CAB39L: variants seen among roughly 807,000 people sequenced by gnomAD.
CAB39L encodes calcium binding protein 39 like.
In CAB39L, 23 loss-of-function variants were observed where a neutral mutation model predicts 39.1. That is an observed-to-expected ratio of 0.59 (90% CI 0.42 to 0.83). The LOEUF (loss-of-function observed/expected upper bound fraction) is 0.83, where lower values mean the gene tolerates loss of function less well. CAB39L is among the 40% of genes least tolerant of loss of function. The pLI, the probability that CAB39L is intolerant of heterozygous loss-of-function variation, is 0.00. For synonymous variants in CAB39L, 126 were observed against 137.2 expected, an observed-to-expected ratio of 0.92 and a Z score of 0.57; for missense variants, 366 against 391.9, an observed-to-expected ratio of 0.93 and a Z score of 0.56.
intron 3 of CAB39L, among the ~76,000 whole-genome samples, chr13:49,429,840 C>T (rs1200341903): frequency 6.6e-6 from 1 of 152,110 alleles, no homozygotes; most frequent in Non-Finnish European, 1.5e-5. Flanking sequence ...CTTATGAGAA[C>T]TATAAATTCA....
intron 5 of CAB39L, among the ~76,000 whole-genome samples, chr13:49,373,252 C>A (rs1232024526): frequency 6.6e-6 from 1 of 152,214 alleles, no homozygotes; most frequent in Non-Finnish European, 1.5e-5. Context: ...TTACTTTTCT[C>A]TGCCAAGGAA....
At chr13:49,385,566 C>G (rs1289587663) in intron 3 of CAB39L, among the ~76,000 whole-genome samples, 3 of 152,198 alleles carry the variant, frequency 2.0e-5, no homozygotes, top group Admixed American at 6.5e-5. Context: ...TCTGGATATG[C>G]CTTCCTCACT....
Position 49,403,416 on chromosome 13 carries a change from C to T in CAB39L, c.-31-20475G>A, listed in dbSNP as rs115486238. On this transcript the variant is annotated intron_variant, in intron 3 of 10. Coordinates refer to ENST00000409308, the MANE Select transcript of CAB39L (RefSeq NM_001079670.3). ...TTTTTTAAAATCTAGCACACAATAACGTAAAATTCACAATATCTGACATCC... is the reference window on the plus strand; with the variant it reads ...TTTTTTAAAATCTAGCACACAATAATGTAAAATTCACAATATCTGACATCC... Among the ~76,000 whole-genome samples, 934 of 151,944 alleles carry T rather than the reference C, an allele frequency of 6.1e-3. 12 individuals carry two copies. Among genetic ancestry groups the T allele is most frequent in the African/African-American group, 0.021 (889 of 41,454 alleles).
intron 3 of CAB39L, among the ~76,000 whole-genome samples, chr13:49,387,600 C>A (rs907888375): frequency 5.3e-5 from 8 of 152,076 alleles, no homozygotes; most frequent in African/African-American, 1.9e-4. Flanking sequence ...GCAGAATAAA[C>A]AACAAATAGG....
chr13:49,333,568 CTTT>C (rs796079933), intron 9 of CAB39L, among the ~76,000 whole-genome samples: 40 of 111,874 alleles, frequency 3.6e-4, no homozygotes, highest in Middle Eastern at 5.2e-3. Flanking sequence ...TTCTTTCTTT[CTTT>C]TTTTTTTTTT....
At chr13:49,401,873 G>A (rs1480442386) in intron 3 of CAB39L, among the ~76,000 whole-genome samples, 1 of 152,150 alleles carries the variant, frequency 6.6e-6, no homozygotes, top group African/African-American at 2.4e-5. Flanking sequence ...CCAACCATAA[G>A]AAAGTGGAGC....
At chr13:49,335,659 T>A (rs529391025) in intron 9 of CAB39L, among the ~76,000 whole-genome samples, 2 of 152,298 alleles carry the variant, frequency 1.3e-5, no homozygotes, top group East Asian at 3.9e-4. Context: ...TTTAATGAAA[T>A]TGACCAGAGC....
chr13:49,442,797 A>AAAAAAAAC (rs1957556140), intron 1 of CAB39L, among the ~76,000 whole-genome samples: 1 of 122,318 alleles, frequency 8.2e-6, no homozygotes, highest in African/African-American at 3.3e-5. Flanking sequence ...CAAAAAAAAA[A>AAAAAAAAC]AAAAAAAAAA....
chr13:49,389,986 T>C (rs1482000948), intron 3 of CAB39L, among the ~76,000 whole-genome samples: 2 of 151,666 alleles, frequency 1.3e-5, no homozygotes, highest in East Asian at 3.9e-4. Context: ...CCATGTCCGG[T>C]TAATTTTTGT....
At chr13:49,346,334 GAAA>G (rs58683390) in intron 7 of CAB39L, among the ~76,000 whole-genome samples, 3 of 112,482 alleles carry the variant, frequency 2.7e-5, no homozygotes, top group Non-Finnish European at 5.5e-5. Context: ...ATAACTGAGT[GAAA>G]AAAAAAAAAA....
chr13:49,377,102 T>C lies in CAB39L; in HGVS notation c.141A>G (p.Gln47=). 1 of 1,613,482 alleles carries C rather than the reference T, an allele frequency of 6.2e-7. No homozygotes were observed. The highest frequency in any genetic ancestry group is 8.5e-7 in the Non-Finnish European group (1 of 1,179,506). Residue 47 remains glutamine, a synonymous_variant, in exon 5 of 11, where the codon CAA becomes CAG. Transcript: ENST00000409308. ...TACCACACAGAATTTCTTTCATTGC[T>C]TGCAGTGATTTAGACACTTCTTCTG... ...KASEEVSKSL[Q]AMKEILCGTN...
intron 3 of CAB39L, among the ~76,000 whole-genome samples, chr13:49,393,434 T>A (rs369871307): frequency 6.6e-6 from 1 of 152,054 alleles, no homozygotes; most frequent in African/African-American, 2.4e-5. Context: ...GATGTACTTA[T>A]AGATGTATGT....
At chr13:49,416,894 C>T (rs1189909490) in intron 3 of CAB39L, among the ~76,000 whole-genome samples, 1 of 152,106 alleles carries the variant, frequency 6.6e-6, no homozygotes, top group African/African-American at 2.4e-5. Flanking sequence ...AAGAGAAGGT[C>T]AAGAGGTCCT....
intron 4 of CAB39L, 157 bp downstream of exon 4, chr13:49,382,643 T>C: frequency 1.8e-6 from 1 of 570,996 alleles, no homozygotes; most frequent in South Asian, 2.1e-5. Flanking sequence ...TAAATAATAA[T>C]CAGTTGCATA....
chr13:49,415,628 G>C (rs1957073185), intron 3 of CAB39L, among the ~76,000 whole-genome samples: 1 of 152,084 alleles, frequency 6.6e-6, no homozygotes, highest in Admixed American at 6.5e-5. Flanking sequence ...AGACTTCTGA[G>C]TTTCCATTAT....
At chr13:49,319,338 C>T (rs1954281731) in intron 10 of CAB39L, among the ~76,000 whole-genome samples, 1 of 152,060 alleles carries the variant, frequency 6.6e-6, no homozygotes, top group Admixed American at 6.6e-5. Flanking sequence ...CAAAACACCA[C>T]ACAAAAGGCC....
chr13:49,343,467 T>C (rs1233400933), intron 8 of CAB39L, among the ~76,000 whole-genome samples: 1 of 152,126 alleles, frequency 6.6e-6, no homozygotes, highest in Non-Finnish European at 1.5e-5. Context: ...CTCTTAACCC[T>C]GTGTCCTGCA....
At chr13:49,368,351 T>C (rs1056206690) in intron 5 of CAB39L, among the ~76,000 whole-genome samples, 1 of 152,184 alleles carries the variant, frequency 6.6e-6, no homozygotes, top group Non-Finnish European at 1.5e-5. Context: ...AGGATTAGAA[T>C]AGAAAGGATT....
At chr13:49,357,271 T>C (rs1199217847) in intron 6 of CAB39L, among the ~76,000 whole-genome samples, 1 of 152,128 alleles carries the variant, frequency 6.6e-6, no homozygotes, top group Non-Finnish European at 1.5e-5. Context: ...TTGAGCAATA[T>C]CCTTACTCTC....
Sources: allele counts gnomAD v4.1 joint callset (sites outside exome capture counted in the v4.1 genomes callset), GRCh38; gene constraint gnomAD v4.1.1; transcripts MANE v1.5; gene names NCBI Gene and HGNC (gene_info 2026-07-23, HGNC 2026-07-21).